Variants in SLC25A22 observed in about 807,000 individuals in gnomAD.
SLC25A22 encodes solute carrier family 25 member 22.
Under a neutral mutation model 33.7 loss-of-function variants are expected in SLC25A22, and 23 were observed. The ratio of observed to expected loss-of-function variants is 0.68; its 90% CI spans 0.49 to 0.97. The LOEUF (loss-of-function observed/expected upper bound fraction) is 0.97. Ranked by LOEUF, SLC25A22 falls within the 50% of genes least tolerant of loss-of-function variation. The pLI, the probability that SLC25A22 is intolerant of heterozygous loss-of-function variation, is 0.00. For synonymous variants in SLC25A22, 245 were observed against 203.8 expected, an observed-to-expected ratio of 1.20 and a Z score of -1.72; for missense variants, 390 against 451.1, an observed-to-expected ratio of 0.86 and a Z score of 1.23.
intron 4 of SLC25A22, 97 bp from the exon 5 acceptor site, chr11:793,716 C>A: frequency 1.2e-6 from 1 of 838,984 alleles, no homozygotes. Flanking sequence ...AACCCTGTCC[C>A]AGTCACTCCT....
intron 1 of SLC25A22, 174 bp from the exon 2 acceptor site, chr11:795,343 T>G: frequency 2.3e-6 from 1 of 429,590 alleles, no homozygotes; most frequent in Non-Finnish European, 4.2e-6. Context: ...TGCTCACCCC[T>G]GGGACCACCT....
intron 4 of SLC25A22, chr11:794,186 G>T: frequency 1.4e-6 from 1 of 693,386 alleles, no homozygotes; most frequent in Admixed American, 2.0e-5. Flanking sequence ...GGCAGAGGCA[G>T]CTGTGGCCAC....
Position 792,471 on chromosome 11 carries a change from AGGT to A in SLC25A22, c.588-16_588-14del, listed in dbSNP as rs762503823. 1 of 1,611,466 alleles carries A rather than the reference AGGT, an allele frequency of 6.2e-7. No homozygotes were observed. The highest frequency in any genetic ancestry group is 8.5e-7 in the Non-Finnish European group (1 of 1,179,092). On this transcript the variant is annotated splice_polypyrimidine_tract_variant and intron_variant, in intron 7 of 9. Transcript: ENST00000628067. ...GAAGGGGACATCCCTGTGGGGAGGG[AGGT>A]GGCCGTGGGGACAGGAGGTGGTGGG...
Position 792,599 on chromosome 11 carries a change from G to C in SLC25A22, c.541C>G (p.Arg181Gly), listed in dbSNP as rs374216522. 3.1e-6 allele frequency: 5 copies of C among 1,610,874 alleles called. No individual in the cohort carries two copies. Among genetic ancestry groups the C allele is most frequent in the Non-Finnish European group, 4.2e-6 (5 of 1,179,262 alleles). Residue 181 changes from arginine (R) to glycine (G), a missense_variant, in exon 7 of 10, where the codon CGT (arginine) becomes GGT (glycine). Physicochemically the swap from Arg to Gly is moderately radical, Grantham distance 125 (BLOSUM62 -2). Transcript: ENST00000628067. ...CCCTTGTAGAGACCGGCAATGCCAC[G>C]GCTCCGCAGCAGGTCGCGGGTCAGC... ...TQLTRDLLRS[R>G]GIAGLYKGLG...
At position 798,230 on chromosome 11, in the gene SLC25A22, G is replaced by A; in HGVS notation, c.-177C>T. ...GCAGACACTCACCACGCTCGCCGCC[G>A]CCGCCGCGCTCGCCTGCCCGCCCCG... is the stretch of plus-strand genomic sequence containing the variant. On this transcript the variant is annotated 5_prime_UTR_variant, in exon 1 of 10. Transcript: ENST00000628067. The A allele has an allele frequency of 2.5e-6, 1 of 394,768 alleles. No homozygotes were observed. Among genetic ancestry groups the A allele is most frequent in the Non-Finnish European group, 4.5e-6 (1 of 223,792 alleles). The allele number at this position is 394,768 out of a possible 1,614,324, so 24.5% of individuals were successfully genotyped here. A position where few individuals can be genotyped will look rare whatever the true frequency, so the allele number is the denominator to read the frequency against.
Position 791,324 on chromosome 11 carries a change from G to T in SLC25A22, c.*591C>A, listed in dbSNP as rs1864507424. 1 of 165,918 alleles carries T rather than the reference G, an allele frequency of 6.0e-6. No individual in the cohort carries two copies. The highest frequency in any genetic ancestry group is 1.7e-4 in the South Asian group (1 of 5,942). The allele number at this position is 165,918 out of a possible 1,614,324, so 10.3% of individuals were successfully genotyped here. ...ACAGTGGGTGGCGGGCTTGCCCCAAGAGTCAGACCTCAGGGCAACCCCTCA... is the reference window on the plus strand; with the variant it reads ...ACAGTGGGTGGCGGGCTTGCCCCAATAGTCAGACCTCAGGGCAACCCCTCA... On this transcript the variant is annotated 3_prime_UTR_variant, in exon 10 of 10. Transcript: ENST00000628067.
In SLC25A22 at chr11:792,860, C is replaced by T. The variant is rs113091974; in HGVS notation, c.412+10G>A. 2 of 1,448,912 alleles carry T rather than the reference C, an allele frequency of 1.4e-6. No individual in the cohort carries two copies. The highest frequency in any genetic ancestry group is 2.8e-5 in the African/African-American group (2 of 72,246). 89.8% of individuals were successfully genotyped at this position (1,448,912 alleles called of 1,614,324 possible). A position where few individuals can be genotyped will look rare whatever the true frequency, so the allele number is the denominator to read the frequency against. ...CCTCTGCCCTCTCCTCCCCCTCCCC[C>T]CGCCCTCACCAATGCGCCCTGCATC... is the stretch of plus-strand genomic sequence containing the variant. On this transcript the variant is annotated intron_variant, in intron 6 of 9. Transcript: ENST00000628067.
chr11:794,267 G>A (rs1292713156), intron 4 of SLC25A22, 191 bp downstream of exon 4: 1 of 745,992 alleles, frequency 1.3e-6, no homozygotes, highest in East Asian at 2.7e-5. Context: ...GCTGCCACGG[G>A]AGAGGCTGAG....
chr11:792,453 A>T lies in SLC25A22; in HGVS notation c.593T>A (p.Val198Asp). The T allele has an allele frequency of 6.2e-7, 1 of 1,613,244 alleles. No individual in the cohort carries two copies. The highest frequency in any genetic ancestry group is 2.2e-5 in the East Asian group (1 of 44,864). ...KGLGATLLRD[V>D]PFSVVYFPLF... ...CGGGAAGTACACCACAGAGAAGGGG[A>T]CATCCCTGTGGGGAGGGAGGTGGCC... is the stretch of plus-strand genomic sequence containing the variant. The change falls in exon 8 of 10, where the codon GTC becomes GAC. Residue 198 changes from valine to aspartate, a missense_variant. Transcript: ENST00000628067.
chr11:791,586 C>T lies in SLC25A22; in HGVS notation c.*329G>A, dbSNP rs747104481. On this transcript the variant is annotated 3_prime_UTR_variant, in exon 10 of 10. Coordinates refer to ENST00000628067, the MANE Select transcript of SLC25A22 (RefSeq NM_001191061.2). Reference sequence around the variant, plus strand: ...GACTGGGGGTATGGTCCAGCCTGCCCGGCCCAGGCCCGGGGGCCCCCAGCC... The same window carrying T: ...GACTGGGGGTATGGTCCAGCCTGCCTGGCCCAGGCCCGGGGGCCCCCAGCC... 25 of 417,184 alleles carry T rather than the reference C, an allele frequency of 6.0e-5. No homozygotes were observed. Among genetic ancestry groups the T allele is most frequent in the African/African-American group, 2.6e-4 (13 of 49,548 alleles). The allele number at this position is 417,184 out of a possible 1,614,324, so 25.8% of individuals were successfully genotyped here.
intron 1 of SLC25A22, chr11:796,340 C>T (rs1369987010): frequency 6.6e-6 from 1 of 152,144 alleles, no homozygotes; most frequent in African/African-American, 2.4e-5. Context: ...TTCTCTTTCA[C>T]TTTGGGCAAG....
rs1006279251 is a variant in SLC25A22, at chr11:790,839, G to A, written c.*1076C>T. On this transcript the variant is annotated 3_prime_UTR_variant, in exon 10 of 10. Coordinates refer to ENST00000628067, the MANE Select transcript of SLC25A22 (RefSeq NM_001191061.2). Reference sequence around the variant, plus strand: ...TGGGGCTTCTGAAGTGTGGTCAGGGGCCTTATGCCCGGAGGCGGGAAGGAT... The same window carrying A: ...TGGGGCTTCTGAAGTGTGGTCAGGGACCTTATGCCCGGAGGCGGGAAGGAT... 2 of 152,312 alleles carry A rather than the reference G, an allele frequency of 1.3e-5. No individual in the cohort carries two copies. The highest frequency in any genetic ancestry group is 2.9e-5 in the Non-Finnish European group (2 of 68,072). 9.4% of individuals were successfully genotyped at this position (152,312 alleles called of 1,614,324 possible).
chr11:795,041 G>C lies in SLC25A22; in HGVS notation c.-35C>G. 1.3e-6 allele frequency: 2 copies of C among 1,552,166 alleles called. No individual in the cohort carries two copies. The highest frequency in any genetic ancestry group is 1.7e-6 in the Non-Finnish European group (2 of 1,148,020). ...TTGCACCCAGGTAGGAGCCGCAGAG[G>C]TGGACGCCAGGCCAGGCGGGGTGGA... On this transcript the variant is annotated 5_prime_UTR_variant, in exon 2 of 10. Coordinates refer to ENST00000628067, the MANE Select transcript of SLC25A22 (RefSeq NM_001191061.2).
In SLC25A22 at chr11:792,618, G is replaced by A. The variant is rs772259110; in HGVS notation, c.522C>T (p.Thr174=). ...TGCCACGGCTCCGCAGCAGGTCGCGGGTCAGCTGGGTGGCCGTGGGCCGAG... is the reference window on the plus strand; with the variant it reads ...TGCCACGGCTCCGCAGCAGGTCGCGAGTCAGCTGGGTGGCCGTGGGCCGAG... The part of the protein sequence containing the change: ...AAPRPTATQL[T]RDLLRSRGIA... The change falls in exon 7 of 10, where the codon ACC becomes ACT. Residue 174 remains threonine (T), a synonymous_variant. Transcript: ENST00000628067. The A allele has an allele frequency of 3.1e-6, 5 of 1,604,132 alleles. No individual in the cohort carries two copies. Among genetic ancestry groups the A allele is most frequent in the African/African-American group, 1.3e-5 (1 of 74,802 alleles).
At chr11:792,803 CCACCCTCCCCT>C in intron 6 of SLC25A22, 56 bp downstream of exon 6, 1 of 1,548,550 alleles carries the variant, frequency 6.5e-7, no homozygotes, top group Non-Finnish European at 8.7e-7. Context: ...CCCTGCGTCC[CCACCCTCCCCT>C]CGCCCTCACC....
intron 4 of SLC25A22, chr11:794,242 A>AAGTGGGGGT (rs1472721937): frequency 1.4e-6 from 1 of 709,572 alleles, no homozygotes; most frequent in Non-Finnish European, 2.6e-6. Flanking sequence ...ACCAGGCACT[A>AAGTGGGGGT]AGTGGGGGTG....
At chr11:797,551 G>T (rs1032940822) in intron 1 of SLC25A22, 1 of 398,114 alleles carries the variant, frequency 2.5e-6, no homozygotes, top group Non-Finnish European at 4.4e-6. Context: ...GGAAGATACC[G>T]CTGCTTCCGA....
intron 1 of SLC25A22, chr11:797,995 T>G (rs1273705535): frequency 5.0e-6 from 2 of 398,400 alleles, no homozygotes; most frequent in Middle Eastern, 6.3e-4. Context: ...GACACGTATG[T>G]GCGGGGAGCG....
rs1324578968 is a variant in SLC25A22 at position 792,650 on chromosome 11, C to T, written c.490G>A (p.Ala164Thr). 1.3e-6 allele frequency: 2 copies of T among 1,577,956 alleles called. No individual in the cohort carries two copies. Among genetic ancestry groups the T allele is most frequent in the Non-Finnish European group, 1.7e-6 (2 of 1,163,776 alleles). The change falls in exon 7 of 10, where the codon GCT (alanine) becomes ACT (threonine). Residue 164 changes from alanine (A) to threonine (T), a missense_variant. By Grantham distance (58) the Ala-to-Thr change is moderately conservative (BLOSUM62 0). Coordinates refer to ENST00000628067, the MANE Select transcript of SLC25A22 (RefSeq NM_001191061.2). Reference sequence around the variant, plus strand: ...TGGGTGGCCGTGGGCCGAGGGGCAGCTGGAGCCTCCACTGAGGGCTGGGCA... The same window carrying T: ...TGGGTGGCCGTGGGCCGAGGGGCAGTTGGAGCCTCCACTGAGGGCTGGGCA... ...GGAQPSVEAP[A>T]APRPTATQLT...
Sources: gnomAD v4.1 joint callset for allele counts on GRCh38, gnomAD v4.1.1 for gene constraint, MANE v1.5 for transcripts, NCBI Gene and HGNC (gene_info 2026-07-23, HGNC 2026-07-21) for gene names.